KCNMA1: variants seen among roughly 807,000 people sequenced by gnomAD.
KCNMA1 encodes Calcium-activated potassium channel subunit alpha-1.
KCNMA1 carries 29 observed loss-of-function variants against 140.0 expected under a neutral mutation model. That is an observed-to-expected ratio of 0.21 (90% confidence interval 0.15 to 0.28). The LOEUF is 0.28. KCNMA1 is among the 10% of genes least tolerant of loss of function. The probability of loss-of-function intolerance (pLI) is 1.00; values close to 1 mark genes in which losing one functional copy is unlikely to be tolerated. For missense variants in KCNMA1, 880 were observed against 1,602.2 expected, an observed-to-expected ratio of 0.55 and a Z score of 7.70; for synonymous variants, 612 against 611.9, an observed-to-expected ratio of 1.00 and a Z score of 0.00.
intron 3 of KCNMA1, among the ~76,000 whole-genome samples, chr10:77,198,371 C>G (rs2041313882): frequency 6.6e-6 from 1 of 151,896 alleles, no homozygotes; most frequent in Admixed American, 6.6e-5. Flanking sequence ...CATCTATACC[C>G]CTGAAAGCCA....
intron 1 of KCNMA1, among the ~76,000 whole-genome samples, chr10:77,454,567 A>C (rs1197923246): frequency 6.6e-6 from 1 of 151,902 alleles, no homozygotes; most frequent in East Asian, 1.9e-4. Context: ...ACCCCCTTTC[A>C]CTCTACCCTA....
intron 25 of KCNMA1, among the ~76,000 whole-genome samples, chr10:76,897,792 C>T (rs1037943101): frequency 6.6e-6 from 1 of 151,346 alleles, no homozygotes; most frequent in Non-Finnish European, 1.5e-5. Flanking sequence ...TATAGTATTG[C>T]TAAAATTATG....
chr10:77,352,389 C>G (rs2092989510), intron 2 of KCNMA1, among the ~76,000 whole-genome samples: 1 of 152,188 alleles, frequency 6.6e-6, no homozygotes. Context: ...TCCCTTTCCC[C>G]TTTATGGTAA....
Position 76,974,621 on chromosome 10 carries a change from A to C in KCNMA1, c.2267-4554T>G, listed in dbSNP as rs749309983. 3 of 1,290,724 alleles carry C rather than the reference A, an allele frequency of 2.3e-6. No individual in the cohort carries two copies. The South Asian group carries it at 3.9e-5, about 17-fold the overall frequency. The allele number at this position is 1,290,724 out of a possible 1,614,324, so 80.0% of individuals were successfully genotyped here. A position where few individuals can be genotyped will look rare whatever the true frequency, so the allele number is the denominator to read the frequency against. On this transcript the variant is annotated intron_variant, in intron 19 of 27. Coordinates refer to ENST00000286628, the MANE Select transcript of KCNMA1 (RefSeq NM_001161352.2). ...GAAAATGGAAATTAATCCATAGTGAAATTTCTTTTAGAAAAGTTCCAAACA... is the reference window on the plus strand; with the variant it reads ...GAAAATGGAAATTAATCCATAGTGACATTTCTTTTAGAAAAGTTCCAAACA...
At chr10:77,611,688 T>A (rs1398879960) in intron 1 of KCNMA1, among the ~76,000 whole-genome samples, 1 of 152,188 alleles carries the variant, frequency 6.6e-6, no homozygotes, top group Non-Finnish European at 1.5e-5. Context: ...TTCACCCAGA[T>A]GTCTAGATAC....
Position 76,928,254 on chromosome 10 carries a change from T to TACACAC in KCNMA1, c.2903-13211_2903-13206dup, listed in dbSNP as rs57777811. On this transcript the variant is annotated intron_variant, in intron 23 of 27. Transcript: ENST00000286628. ...CACCAGAATTATTTATTCAGAAAAA[T>TACACAC]ACACACACACACACACACACACGAA... 1.7e-3 allele frequency among the ~76,000 whole-genome samples: 243 copies of TACACAC among 144,820 alleles called. 1 individual carries two copies. Among genetic ancestry groups the TACACAC allele is most frequent in the African/African-American group, 5.6e-3 (223 of 39,754 alleles).
At chr10:77,572,188 A>AT (rs2071647947) in intron 1 of KCNMA1, among the ~76,000 whole-genome samples, 1 of 152,126 alleles carries the variant, frequency 6.6e-6, no homozygotes, top group Non-Finnish European at 1.5e-5. Context: ...TAAGAGGTAT[A>AT]TTTTACCCTA....
intron 2 of KCNMA1, among the ~76,000 whole-genome samples, chr10:77,337,051 T>A (rs1473886335): frequency 6.6e-6 from 1 of 152,206 alleles, no homozygotes; most frequent in Non-Finnish European, 1.5e-5. Flanking sequence ...AGTGCTGGGA[T>A]GAGAACATGC....
rs74140236 is a variant in KCNMA1, at chr10:76,974,371, C to T, written c.2267-4304G>A. On this transcript the variant is annotated intron_variant, in intron 19 of 27. Transcript: ENST00000286628. ...TGCTGCCCAACAAGCTAAGTGCAAG[C>T]TGAAATCCACAGTAGTGCATCGCTC... 2,102 of 550,968 alleles carry T rather than the reference C, an allele frequency of 3.8e-3. 17 individuals are homozygous for T. The highest frequency in any genetic ancestry group is 0.027 in the African/African-American group (1,361 of 51,064). 34.1% of individuals were successfully genotyped at this position (550,968 alleles called of 1,614,324 possible). A position where few individuals can be genotyped will look rare whatever the true frequency, so the allele number is the denominator to read the frequency against.
At chr10:77,022,854 A>G (rs2093011430) in intron 16 of KCNMA1, 1 of 416,636 alleles carries the variant, frequency 2.4e-6, no homozygotes, top group Admixed American at 2.6e-5. Context: ...TGCTAGGGCT[A>G]GGGGATTGGC....
intron 14 of KCNMA1, among the ~76,000 whole-genome samples, chr10:77,064,984 AT>A (rs2095875164): frequency 6.6e-6 from 1 of 152,192 alleles, no homozygotes; most frequent in African/African-American, 2.4e-5. Flanking sequence ...AGGGAATCAT[AT>A]ACAGTAGCAA....
chr10:77,341,612 T>C (rs550858203), intron 2 of KCNMA1, among the ~76,000 whole-genome samples: 1 of 152,298 alleles, frequency 6.6e-6, no homozygotes, highest in Admixed American at 6.5e-5. Context: ...TGTTCTGAAA[T>C]GCCTGTGATG....
rs200612238 is a variant in KCNMA1, at chr10:77,404,046, T to A, written c.379-23A>T. The A allele has an allele frequency of 1.6e-3, 2,633 of 1,612,804 alleles. 1 individual carries two copies. The highest frequency in any genetic ancestry group is 2.1e-3 in the Non-Finnish European group (2,455 of 1,179,154). On this transcript the variant is annotated intron_variant, in intron 1 of 27. Coordinates refer to ENST00000286628, the MANE Select transcript of KCNMA1 (RefSeq NM_001161352.2). ...CTCCTGGCAACAGAGAGAGCAAGAG[T>A]TAAGACATAGGGAACAATGGATTTA... is the stretch of plus-strand genomic sequence containing the variant.
At chr10:77,025,281 T>TATATATATATATACATATAC (rs1394239548) in intron 16 of KCNMA1, among the ~76,000 whole-genome samples, 1 of 122,324 alleles carries the variant, frequency 8.2e-6, no homozygotes, top group Non-Finnish European at 1.7e-5. Context: ...TATATATATA[T>TATATATATATATACATATAC]ACACACACAC....
chr10:77,414,397 C>A (rs925720840), intron 1 of KCNMA1, among the ~76,000 whole-genome samples: 6 of 152,184 alleles, frequency 3.9e-5, no homozygotes, highest in African/African-American at 1.4e-4. Context: ...GATCACTGAT[C>A]CCCTCTTACA....
At chr10:77,322,881 G>A (rs192328320) in intron 2 of KCNMA1, among the ~76,000 whole-genome samples, 112 of 152,278 alleles carry the variant, frequency 7.4e-4, no homozygotes, top group Admixed American at 1.8e-3. Context: ...ATATTTTGCA[G>A]TCATTGCACT....
intron 1 of KCNMA1, among the ~76,000 whole-genome samples, chr10:77,548,392 C>T (rs1338425968): frequency 6.6e-6 from 1 of 152,226 alleles, no homozygotes; most frequent in African/African-American, 2.4e-5. Context: ...TCCACCCCCA[C>T]TTAGCTCAGG....
intron 15 of KCNMA1, among the ~76,000 whole-genome samples, chr10:77,032,161 C>A (rs1441048338): frequency 6.6e-6 from 1 of 152,130 alleles, no homozygotes; most frequent in Non-Finnish European, 1.5e-5. Flanking sequence ...GTCCTTGGGA[C>A]CTTCTAGAGA....
intron 2 of KCNMA1, among the ~76,000 whole-genome samples, chr10:77,323,361 G>A (rs2154357073): frequency 6.6e-6 from 1 of 152,344 alleles, no homozygotes; most frequent in East Asian, 1.9e-4. Context: ...GAAGTCCATG[G>A]AAGAATATTT....
Sources: allele counts gnomAD v4.1 joint callset (sites outside exome capture counted in the v4.1 genomes callset), GRCh38; gene constraint gnomAD v4.1.1; transcripts MANE v1.5; gene names NCBI Gene and HGNC (gene_info 2026-07-23, HGNC 2026-07-21).